The following ZBTB11 variants were observed in gnomAD, a reference collection of about 807,000 sequenced individuals.
ZBTB11 encodes the protein zinc finger and BTB domain-containing protein 11.
A neutral mutation model predicts 113.1 loss-of-function variants in ZBTB11; 68 were observed. The ratio of observed to expected loss-of-function variants is 0.60; its 90% confidence interval spans 0.49 to 0.74. ZBTB11 has a LOEUF of 0.74. ZBTB11 is among the 30% of genes least tolerant of loss of function. The pLI is 0.00. For synonymous variants in ZBTB11, 518 were observed against 452.6 expected, an observed-to-expected ratio of 1.14 and a Z score of -1.83; for missense variants, 1,104 against 1,279.4, an observed-to-expected ratio of 0.86 and a Z score of 2.09.
chr3:101,676,474 G>T, intron 1 of ZBTB11, 131 bp downstream of exon 1: 1 of 962,750 alleles, frequency 1.0e-6, no homozygotes, highest in Non-Finnish European at 1.4e-6. Context: ...TCTCGGCTCC[G>T]CCTGGCAGCA....
In ZBTB11 at chr3:101,676,861, G is replaced by A. The variant is rs200849548; in HGVS notation, c.54C>T (p.Arg18=). 6.2e-7 allele frequency: 1 copy of A among 1,601,188 alleles called. No individual in the cohort carries two copies. Among genetic ancestry groups the A allele is most frequent in the Non-Finnish European group, 8.5e-7 (1 of 1,175,372 alleles). Residue 18 remains arginine, a synonymous_variant, in exon 1 of 11, where the codon CGC becomes CGT. Transcript: ENST00000312938. ...CCTCGGTGCCCGGCGCATACGGCTC[G>A]CGCTCGTTCGTCAGGTAACGCAGGA... The part of the protein sequence containing the change: ...RAILRYLTNE[R]EPYAPGTEGN...
intron 1 of ZBTB11, among the ~76,000 whole-genome samples, chr3:101,675,032 TCA>T (rs1937141097): frequency 6.6e-6 from 1 of 152,218 alleles, no homozygotes; most frequent in Non-Finnish European, 1.5e-5. Flanking sequence ...GTGATCGTTG[TCA>T]CTGCACCAAG....
In ZBTB11 at chr3:101,665,002, G is replaced by T. The variant is rs1482167704; in HGVS notation, c.1585C>A (p.Gln529Lys). Residue 529 changes from glutamine (Q) to lysine (K), a missense_variant, in exon 4 of 11, where the codon CAG becomes AAG. Gln to Lys is a moderately conservative substitution (Grantham distance 53, BLOSUM62 1). This residue lies in a region of ZBTB11 where 535 missense variants were observed against 518.6 expected (regional missense o/e 1.03). Transcript: ENST00000312938. ...GACTTGGGAACGGCTTTCCGTTTCT[G>T]CAGCTTTTTCTCCATTCCCTTGTGT... ...RLHKGMEKKL[Q>K]KRKAVPKSAV... is the part of the protein sequence containing the mutation. The T allele has an allele frequency of 6.2e-7, 1 of 1,612,654 alleles. No homozygotes were observed. The highest frequency in any genetic ancestry group is 1.7e-5 in the Admixed American group (1 of 59,854).
At chr3:101,658,083 C>A (rs1367689011) in intron 6 of ZBTB11, among the ~76,000 whole-genome samples, 1 of 152,110 alleles carries the variant, frequency 6.6e-6, no homozygotes, top group Non-Finnish European at 1.5e-5. Flanking sequence ...GAAACCAGCC[C>A]AAATGCCCAT....
chr3:101,676,872 T>G lies in ZBTB11; in HGVS notation c.43A>C (p.Thr15Pro). ...ESYRAILRYL[T>P]NEREPYAPGT... The stretch of plus-strand genomic sequence containing the variant: ...GGCGCATACGGCTCGCGCTCGTTCG[T>G]CAGGTAACGCAGGATGGCCCGGTAG... Residue 15 changes from threonine (T) to proline (P), a missense_variant, in exon 1 of 11, where the codon ACG (threonine) becomes CCG (proline). Around this residue, in one of 5 missense-constraint regions of ZBTB11, gnomAD observed 245 missense variants for 272.5 expected, o/e 0.90. Coordinates refer to ENST00000312938, the MANE Select transcript of ZBTB11 (RefSeq NM_014415.4). The G allele has an allele frequency of 6.2e-7, 1 of 1,607,164 alleles. No homozygotes were observed. Among genetic ancestry groups the G allele is most frequent in the Non-Finnish European group, 8.5e-7 (1 of 1,176,648 alleles).
chr3:101,671,193 A>G lies in ZBTB11; in HGVS notation c.715T>C (p.Phe239Leu). ...KSVLSANSEY[F>L]RDLFIEKGAV... Reference sequence around the variant, plus strand: ...CCTTTCTCAATAAAAAGATCTCGAAAATACTCGCTATTTGCTGACAAAACA... The same window carrying G: ...CCTTTCTCAATAAAAAGATCTCGAAGATACTCGCTATTTGCTGACAAAACA... The change falls in exon 3 of 11, where the codon TTT becomes CTT. Residue 239 changes from phenylalanine to leucine, a missense_variant. Phe to Leu is a conservative substitution (Grantham distance 22). This residue lies in a region of ZBTB11 where 86 missense variants were observed against 131.0 expected (regional missense o/e 0.66). Transcript: ENST00000312938. 6.2e-7 allele frequency: 1 copy of G among 1,614,198 alleles called. No homozygotes were observed. The highest frequency in any genetic ancestry group is 8.5e-7 in the Non-Finnish European group (1 of 1,180,034).
At chr3:101,653,638 A>G (rs192741536) in intron 8 of ZBTB11, among the ~76,000 whole-genome samples, 9 of 152,274 alleles carry the variant, frequency 5.9e-5, no homozygotes, top group Admixed American at 5.9e-4. Context: ...TTGTTTCAAA[A>G]TAAGACTAAT....
intron 8 of ZBTB11, among the ~76,000 whole-genome samples, chr3:101,654,407 G>C (rs1936757987): frequency 6.6e-6 from 1 of 152,132 alleles, no homozygotes; most frequent in South Asian, 2.1e-4. Flanking sequence ...GGAGGATCTG[G>C]AAAATGAAGA....
At chr3:101,653,266 C>T (rs1936737508) in intron 8 of ZBTB11, among the ~76,000 whole-genome samples, 1 of 152,198 alleles carries the variant, frequency 6.6e-6, no homozygotes, top group South Asian at 2.1e-4. Flanking sequence ...GTAGACTTTA[C>T]CTTTGACCCT....
At chr3:101,668,933 A>G (rs1937039805) in intron 3 of ZBTB11, among the ~76,000 whole-genome samples, 1 of 152,232 alleles carries the variant, frequency 6.6e-6, no homozygotes, top group African/African-American at 2.4e-5. Flanking sequence ...TATCCTCTCA[A>G]ATGAAATGGA....
In ZBTB11 at chr3:101,676,795, G is replaced by C; in HGVS notation, c.120C>G (p.Tyr40Ter). Residue 40 changes from tyrosine to a stop codon, truncating the protein, a stop_gained, in exon 1 of 11, where the codon TAC becomes TAG. Coordinates refer to ENST00000312938, the MANE Select transcript of ZBTB11 (RefSeq NM_014415.4). LOFTEE classifies it high-confidence loss of function. The part of the protein sequence containing the change: ...KRKIRKAAAC[Y>*]VVRGGTLYYQ... ...AATACAGAGTCCCGCCGCGCACCAC[G>C]TAGCAGGCGGCAGCTTTTCGGATTT... The C allele has an allele frequency of 2.5e-6, 4 of 1,612,044 alleles. No individual in the cohort carries two copies. Among genetic ancestry groups the C allele is most frequent in the Non-Finnish European group, 3.4e-6 (4 of 1,179,446 alleles).
Position 101,664,942 on chromosome 3 carries a change from G to A in ZBTB11, c.1623+22C>T, listed in dbSNP as rs903469608. 3 of 1,586,472 alleles carry A rather than the reference G, an allele frequency of 1.9e-6. No homozygotes were observed. The African/African-American group carries it at 4.1e-5, about 22-fold the overall frequency. On this transcript the variant is annotated intron_variant, in intron 4 of 10. Transcript: ENST00000312938. ...TCAACCTAAAGCTAAAACTACAAAG[G>A]TCAACCCTTCTTACATCATACCTGT... is the stretch of plus-strand genomic sequence containing the variant.
intron 3 of ZBTB11, among the ~76,000 whole-genome samples, chr3:101,669,004 A>G (rs182567181): frequency 1.7e-4 from 26 of 152,092 alleles, no homozygotes; most frequent in Admixed American, 1.2e-3. Flanking sequence ...ACGGCAGACT[A>G]AGATACCGTA....
At chr3:101,670,943 T>C in intron 3 of ZBTB11, 187 bp downstream of exon 3, 1 of 553,692 alleles carries the variant, frequency 1.8e-6, no homozygotes. Flanking sequence ...TGAAAGGAAA[T>C]GACACCCTTT....
rs1277601657 is a variant in ZBTB11, at chr3:101,676,756, C to T, written c.159G>A (p.Gln53=). 1 of 1,607,708 alleles carries T rather than the reference C, an allele frequency of 6.2e-7. No individual in the cohort carries two copies. Residue 53 remains glutamine (Q), a synonymous_variant, in exon 1 of 11, where the codon CAG becomes CAA. Coordinates refer to ENST00000312938, the MANE Select transcript of ZBTB11 (RefSeq NM_014415.4). ...GCTCCGCGAAGGTCTTGCGGTGCCG[C>T]TGCCGCCGCTGGTAATACAGAGTCC... The part of the protein sequence containing the change: ...RGGTLYYQRR[Q]RHRKTFAELE...
intron 4 of ZBTB11, 62 bp downstream of exon 4, chr3:101,664,899 TTCA>T: frequency 6.5e-7 from 1 of 1,539,360 alleles, no homozygotes; most frequent in Non-Finnish European, 8.7e-7. Flanking sequence ...TAGCCATAAG[TTCA>T]TCAATACAAT....
intron 8 of ZBTB11, among the ~76,000 whole-genome samples, chr3:101,654,421 G>C (rs372393222): frequency 2.0e-5 from 3 of 152,070 alleles, no homozygotes; most frequent in Admixed American, 6.6e-5. Flanking sequence ...ATGAAGAAGA[G>C]GGGGGGAAAG....
chr3:101,662,716 TTTC>T (rs1472431981), intron 5 of ZBTB11, among the ~76,000 whole-genome samples: 1 of 152,210 alleles, frequency 6.6e-6, no homozygotes. Flanking sequence ...CTGAAGTTTT[TTTC>T]TTTTTAGTAG....
At chr3:101,670,282 G>A (rs979631631) in intron 3 of ZBTB11, among the ~76,000 whole-genome samples, 32 of 151,914 alleles carry the variant, frequency 2.1e-4, no homozygotes, top group African/African-American at 7.7e-4. Context: ...GTTTCAAAAA[G>A]GAAAAAATAT....
Sources: gnomAD v4.1 joint callset for allele counts (sites outside exome capture counted in the v4.1 genomes callset) on GRCh38, gnomAD v4.1.1 for gene constraint, gnomAD v4.1.1 regional missense constraint, MANE v1.5 for transcripts, NCBI Gene and HGNC (gene_info 2026-07-23, HGNC 2026-07-21) for gene names.